The following B9D2 variants were observed in gnomAD, a reference collection of about 807,000 sequenced individuals.
The protein encoded by B9D2 is B9 domain containing 2.
A neutral mutation model predicts 19.2 loss-of-function variants in B9D2; 21 were observed. That is an observed-to-expected ratio of 1.09 (90% CI 0.78 to 1.58). B9D2 has a LOEUF of 1.58. Among genes scored for constraint, B9D2 ranks in the 40% most tolerant of loss-of-function variants. The pLI, the probability that B9D2 is intolerant of heterozygous loss-of-function variation, is 0.00. For synonymous variants in B9D2, 91 were observed against 100.6 expected (o/e 0.90, Z 0.57); for missense variants, 221 against 244.3 (o/e 0.90, Z 0.64).
chr19:41,363,454 G>A lies in B9D2; in HGVS notation c.66C>T (p.Phe22=). 1 of 1,614,180 alleles carries A rather than the reference G, an allele frequency of 6.2e-7. No homozygotes were observed. Among genetic ancestry groups the A allele is most frequent in the South Asian group, 1.1e-5 (1 of 91,090 alleles). Residue 22 remains phenylalanine, a synonymous_variant, in exon 2 of 4, where the codon TTC becomes TTT. Transcript: ENST00000243578. Reference sequence around the variant, plus strand: ...TACCTGTGTGAATGCCCCACTTGCAGAAGAGGCTACTTTCCGAGAAACCGC... The same window carrying A: ...TACCTGTGTGAATGCCCCACTTGCAAAAGAGGCTACTTTCCGAGAAACCGC... ...GASGFSESSL[F]CKWGIHTGAA... is the part of the protein sequence containing the mutation.
At chr19:41,356,084 C>G (rs1041649240) in intron 3 of B9D2, among the ~76,000 whole-genome samples, 2 of 152,054 alleles carry the variant, frequency 1.3e-5, no homozygotes, top group Non-Finnish European at 2.9e-5. Flanking sequence ...GAGGTGCCAG[C>G]CTGGTTGTGG....
At position 41,354,652 on chromosome 19, in the gene B9D2, A is replaced by G. The variant is rs758566712; in HGVS notation, c.*48T>C. On this transcript the variant is annotated 3_prime_UTR_variant, in exon 4 of 4. Coordinates refer to ENST00000243578, the MANE Select transcript of B9D2 (RefSeq NM_030578.4). ...GACCACTGTGCCATCCTCCCCCATC[A>G]CTGGGTGTCCGGGGTGTGGATGGTG... is the stretch of plus-strand genomic sequence containing the variant. The G allele has an allele frequency of 1.9e-6, 3 of 1,608,192 alleles. No individual in the cohort carries two copies. The highest frequency in any genetic ancestry group is 2.6e-6 in the Non-Finnish European group (3 of 1,175,154).
At chr19:41,357,648 C>T (rs2123132479) in intron 3 of B9D2, among the ~76,000 whole-genome samples, 1 of 146,306 alleles carries the variant, frequency 6.8e-6, no homozygotes, top group Middle Eastern at 3.6e-3. Flanking sequence ...TCCCCTCCCA[C>T]CCTGACCCCC....
chr19:41,355,081 C>G, intron 3 of B9D2, 68 bp from the exon 4 acceptor site: 1 of 1,406,808 alleles, frequency 7.1e-7, no homozygotes. Flanking sequence ...ATTCCCCACT[C>G]CCTGATACTC....
chr19:41,360,178 T>A (rs973123330), intron 2 of B9D2, among the ~76,000 whole-genome samples: 18 of 151,692 alleles, frequency 1.2e-4, no homozygotes, highest in South Asian at 4.2e-4. Context: ...CCTTTCTTTT[T>A]TTGGGGGGGT....
chr19:41,363,354 T>G, intron 2 of B9D2, 78 bp downstream of exon 2: 1 of 1,418,586 alleles, frequency 7.0e-7, no homozygotes, highest in Non-Finnish European at 9.9e-7. Flanking sequence ...AGAGTCTGCG[T>G]TAAGGGGTGG....
chr19:41,361,575 G>A (rs912514772), intron 2 of B9D2, among the ~76,000 whole-genome samples: 2 of 149,458 alleles, frequency 1.3e-5, no homozygotes, highest in African/African-American at 4.9e-5. Flanking sequence ...ATCACTTAAG[G>A]CCAGGAGTTC....
chr19:41,354,882 G>C lies in B9D2; in HGVS notation c.346C>G (p.Leu116Val). The C allele has an allele frequency of 6.2e-7, 1 of 1,613,804 alleles. No homozygotes were observed. Among genetic ancestry groups the C allele is most frequent in the Non-Finnish European group, 8.5e-7 (1 of 1,179,948 alleles). ...HQLACPTWRP[L>V]GSWREQLARA... ...GCCAACTGTTCTCGCCAACTGCCCAGGGGCCGCCACGTGGGGCAGGCCAGC... is the reference window on the plus strand; with the variant it reads ...GCCAACTGTTCTCGCCAACTGCCCACGGGCCGCCACGTGGGGCAGGCCAGC... Residue 116 changes from leucine (L) to valine (V), a missense_variant, in exon 4 of 4, where the codon CTG becomes GTG. Coordinates refer to ENST00000243578, the MANE Select transcript of B9D2 (RefSeq NM_030578.4).
chr19:41,363,547 C>A, intron 1 of B9D2, 24 bp from the exon 2 acceptor site: 1 of 1,603,496 alleles, frequency 6.2e-7, no homozygotes. Flanking sequence ...AATATAATCA[C>A]AACCCTGTGA....
intron 2 of B9D2, among the ~76,000 whole-genome samples, chr19:41,362,103 G>GC (rs997176767): frequency 2.0e-5 from 3 of 146,706 alleles, no homozygotes; most frequent in Non-Finnish European, 4.5e-5. Flanking sequence ...AAAAAAAAGG[G>GC]CCAGGCGCAG....
At chr19:41,356,539 A>G (rs2038316139) in intron 3 of B9D2, among the ~76,000 whole-genome samples, 2 of 152,054 alleles carry the variant, frequency 1.3e-5, no homozygotes, top group Non-Finnish European at 2.9e-5. Flanking sequence ...AAAGACAGAA[A>G]GATTATTTAA....
intron 1 of B9D2, 120 bp downstream of exon 1, chr19:41,363,838 C>T (rs2038458201): frequency 1.9e-6 from 1 of 538,682 alleles, no homozygotes; most frequent in Non-Finnish European, 3.3e-6. Context: ...AAAGACCCGC[C>T]TTCCGCGTCA....
chr19:41,361,608 T>A, intron 2 of B9D2, among the ~76,000 whole-genome samples: 1 of 144,554 alleles, frequency 6.9e-6, no homozygotes. Flanking sequence ...GCCGACATGG[T>A]GAAACCCCAT....
chr19:41,363,371 G>A, intron 2 of B9D2, 61 bp downstream of exon 2: 2 of 1,528,778 alleles, frequency 1.3e-6, no homozygotes, highest in East Asian at 2.2e-5. Flanking sequence ...GTGGAGGAAG[G>A]AGCATGTAGC....
chr19:41,363,722 G>C (rs1405522243), intron 1 of B9D2, among the ~76,000 whole-genome samples, 199 bp from the exon 2 acceptor site: 1 of 152,178 alleles, frequency 6.6e-6, no homozygotes, highest in Non-Finnish European at 1.5e-5. Context: ...GGGGACCCTT[G>C]TCTGGGGAAC....
intron 2 of B9D2, among the ~76,000 whole-genome samples, chr19:41,359,764 T>C (rs1259884161): frequency 6.6e-6 from 1 of 152,062 alleles, no homozygotes; most frequent in African/African-American, 2.4e-5. Context: ...CCAGATGCTA[T>C]GCTAAGTACT....
intron 2 of B9D2, among the ~76,000 whole-genome samples, chr19:41,361,531 T>G (rs2038402444): frequency 1.3e-5 from 2 of 151,962 alleles, no homozygotes; most frequent in South Asian, 4.1e-4. Context: ...CTCACACCTG[T>G]AATCCCAGCA....
chr19:41,354,468 CT>C lies in B9D2; in HGVS notation c.*231del. On this transcript the variant is annotated 3_prime_UTR_variant, in exon 4 of 4. Coordinates refer to ENST00000243578, the MANE Select transcript of B9D2 (RefSeq NM_030578.4). ...AGCACCTCCCATGTGGCTAAGCAGC[CT>C]CCTGTCACTCAACACCCTGCGACCC... 1.6e-6 allele frequency: 1 copy of C among 627,590 alleles called. No individual in the cohort carries two copies. The highest frequency in any genetic ancestry group is 1.9e-5 in the South Asian group (1 of 53,504). The allele number at this position is 627,590 out of a possible 1,614,324, so 38.9% of individuals were successfully genotyped here.
chr19:41,356,653 G>T (rs1209194146), intron 3 of B9D2, among the ~76,000 whole-genome samples: 1 of 151,766 alleles, frequency 6.6e-6, no homozygotes, highest in Non-Finnish European at 1.5e-5. Context: ...AGACCAGCCT[G>T]ACCACCTTGG....
Sources: gnomAD v4.1 joint callset for allele counts (sites outside exome capture counted in the v4.1 genomes callset) on GRCh38, gnomAD v4.1.1 for gene constraint, MANE v1.5 for transcripts, NCBI Gene and HGNC (gene_info 2026-07-23, HGNC 2026-07-21) for gene names.